Variants in ULK4 observed in about 807,000 individuals in gnomAD.
The protein encoded by ULK4 is unc-51 like kinase 4, also known as inactive serine/threonine-protein kinase ULK4.
A neutral mutation model predicts 160.6 loss-of-function variants in ULK4; 133 were observed. The ratio of observed to expected loss-of-function variants is 0.83; its 90% confidence interval spans 0.72 to 0.96. The LOEUF is 0.96. Among genes scored for constraint, ULK4 ranks in the 40% least tolerant of loss-of-function variants. The pLI is 0.00. For synonymous variants in ULK4, 534 were observed against 539.8 expected, an observed-to-expected ratio of 0.99 and a Z score of 0.15; for missense variants, 1,580 against 1,499.5, an observed-to-expected ratio of 1.05 and a Z score of -0.89.
At chr3:41,569,787 CA>C (rs1218001356) in intron 31 of ULK4, among the ~76,000 whole-genome samples, 2 of 100,520 alleles carry the variant, frequency 2.0e-5, no homozygotes, top group Non-Finnish European at 4.7e-5. Context: ...GACTACCCTA[CA>C]TTTTTTTTTT....
rs776923377 is a variant in ULK4 at position 41,938,133 on chromosome 3, C to T, written c.203G>A (p.Ser68Asn). 2 of 1,613,166 alleles carry T rather than the reference C, an allele frequency of 1.2e-6. No individual in the cohort carries two copies. Among genetic ancestry groups the T allele is most frequent in the East Asian group, 2.2e-5 (1 of 44,854 alleles). Reference protein sequence around the residue: ...IVTFHEWYETSNHLWLVVELC... With the variant: ...IVTFHEWYETNNHLWLVVELC... ...TTCCACCACTAGCCAGAGGTGGTTG[C>T]TTGTTTCATACCATTCATGAAAAGT... Residue 68 changes from serine to asparagine, a missense_variant, in exon 3 of 37, where the codon AGC (serine) becomes AAC (asparagine). Transcript: ENST00000301831.
intron 22 of ULK4, among the ~76,000 whole-genome samples, chr3:41,719,807 A>G (rs988891707): frequency 9.9e-5 from 15 of 152,088 alleles, no homozygotes; most frequent in Middle Eastern, 3.2e-3. Flanking sequence ...AAACCCTTCC[A>G]TGGCATCTCA....
chr3:41,615,827 A>G lies in ULK4; in HGVS notation c.3072-110T>C, dbSNP rs1412675527. The G allele has an allele frequency of 4.2e-6, 4 of 946,540 alleles. No homozygotes were observed. In the Admixed American group the frequency reaches 7.8e-5, roughly 18 times the overall value. The allele number at this position is 946,540 out of a possible 1,614,324, so 58.6% of individuals were successfully genotyped here. A position where few individuals can be genotyped will look rare whatever the true frequency, so the allele number is the denominator to read the frequency against. On this transcript the variant is annotated intron_variant, in intron 30 of 36. Coordinates refer to ENST00000301831, the MANE Select transcript of ULK4 (RefSeq NM_017886.4). ...CATGTTTTATTGCTAAAATTCCATG[A>G]TAAGAAATAGTATGATTAAACATTC... is the stretch of plus-strand genomic sequence containing the variant.
chr3:41,756,954 G>A (rs1442113414), intron 21 of ULK4, among the ~76,000 whole-genome samples: 2 of 152,100 alleles, frequency 1.3e-5, no homozygotes, highest in Non-Finnish European at 2.9e-5. Flanking sequence ...TGGGGAAAAT[G>A]TTCGTAAATA....
At chr3:41,698,705 G>A (rs749845337) in intron 27 of ULK4, among the ~76,000 whole-genome samples, 2 of 152,104 alleles carry the variant, frequency 1.3e-5, no homozygotes, top group South Asian at 2.1e-4. Flanking sequence ...AACTAAAGAT[G>A]TACTTATCCT....
At chr3:41,723,309 C>A (rs1182581854) in intron 22 of ULK4, among the ~76,000 whole-genome samples, 1 of 152,032 alleles carries the variant, frequency 6.6e-6, no homozygotes, top group African/African-American at 2.4e-5. Flanking sequence ...GGTTGTTGAT[C>A]TTTTGTTATT....
chr3:41,542,093 C>T (rs1020369978), intron 32 of ULK4, among the ~76,000 whole-genome samples: 3 of 152,116 alleles, frequency 2.0e-5, no homozygotes, highest in Admixed American at 6.5e-5. Flanking sequence ...TTGTCTTGTG[C>T]TGGTTTTCAA....
intron 18 of ULK4, among the ~76,000 whole-genome samples, chr3:41,831,004 A>AT (rs2041561607): frequency 7.3e-6 from 1 of 136,710 alleles, no homozygotes; most frequent in African/African-American, 3.2e-5. Flanking sequence ...GAATGTTTTT[A>AT]TTATTTTTTT....
At position 41,353,835 on chromosome 3, in the gene ULK4, C is replaced by G. The variant is rs1317905816; in HGVS notation, c.3678+44244G>C. Among the ~76,000 whole-genome samples, 3 of 152,076 alleles carry G rather than the reference C, an allele frequency of 2.0e-5. No homozygotes were observed. In the East Asian group the frequency reaches 5.8e-4, roughly 29 times the overall value. ...ACCTACTATACTAGTTAAAATAATGCTAGATGAAGTAACAGATGCCTCACC... is the reference window on the plus strand; with the variant it reads ...ACCTACTATACTAGTTAAAATAATGGTAGATGAAGTAACAGATGCCTCACC... On this transcript the variant is annotated intron_variant, in intron 35 of 36. Coordinates refer to ENST00000301831, the MANE Select transcript of ULK4 (RefSeq NM_017886.4).
chr3:41,583,608 G>A (rs2030551222), intron 31 of ULK4, among the ~76,000 whole-genome samples: 1 of 152,198 alleles, frequency 6.6e-6, no homozygotes, highest in Non-Finnish European at 1.5e-5. Flanking sequence ...AGGGCAGCCA[G>A]AATCATGCAC....
intron 35 of ULK4, among the ~76,000 whole-genome samples, chr3:41,315,759 G>A (rs1194121206): frequency 6.6e-6 from 1 of 152,144 alleles, no homozygotes; most frequent in Non-Finnish European, 1.5e-5. Flanking sequence ...AGATGTACGA[G>A]TGGCCAATAA....
chr3:41,584,440 T>C lies in ULK4; in HGVS notation c.3121-18310A>G, dbSNP rs1054722419. 7.9e-5 allele frequency among the ~76,000 whole-genome samples: 12 copies of C among 152,224 alleles called. 1 individual carries two copies. The highest frequency in any genetic ancestry group is 7.8e-4 in the East Asian group (4 of 5,158). ...CCAAGTAGCTGGTACCATAGGTGCA[T>C]GCCACTATGCTCAGCTAATTAATTA... On this transcript the variant is annotated intron_variant, in intron 31 of 36. Transcript: ENST00000301831.
At chr3:41,473,861 A>G (rs909514825) in intron 32 of ULK4, among the ~76,000 whole-genome samples, 3 of 152,148 alleles carry the variant, frequency 2.0e-5, no homozygotes, top group African/African-American at 7.2e-5. Context: ...ATAAATGGAA[A>G]GATATCCCAT....
chr3:41,552,418 A>G (rs2125579868), intron 32 of ULK4, among the ~76,000 whole-genome samples: 1 of 152,148 alleles, frequency 6.6e-6, no homozygotes, highest in South Asian at 2.1e-4. Context: ...AGTAGAATGC[A>G]AAAATCACCA....
intron 17 of ULK4, among the ~76,000 whole-genome samples, chr3:41,849,029 C>A (rs1469658636): frequency 6.6e-6 from 1 of 152,154 alleles, no homozygotes; most frequent in African/African-American, 2.4e-5. Flanking sequence ...CCTCAGTAAA[C>A]TGTAAGGCAC....
chr3:41,935,668 A>G, intron 4 of ULK4, 133 bp downstream of exon 4: 1 of 1,157,674 alleles, frequency 8.6e-7, no homozygotes, highest in South Asian at 1.7e-5. Context: ...GCCTCCTTTT[A>G]TTTTAAAAAA....
chr3:41,697,730 G>A (rs2036547583), intron 27 of ULK4, among the ~76,000 whole-genome samples: 1 of 152,042 alleles, frequency 6.6e-6, no homozygotes, highest in African/African-American at 2.4e-5. Context: ...TGGTTCTCCT[G>A]CCTCAGTCTC....
At chr3:41,511,283 C>T (rs889539174) in intron 32 of ULK4, among the ~76,000 whole-genome samples, 2 of 148,998 alleles carry the variant, frequency 1.3e-5, no homozygotes, top group Non-Finnish European at 3.0e-5. Context: ...AAAGAAATAA[C>T]AAAGATCAGA....
intron 31 of ULK4, among the ~76,000 whole-genome samples, chr3:41,588,702 T>C (rs948569429): frequency 2.6e-5 from 4 of 152,228 alleles, no homozygotes; most frequent in Non-Finnish European, 4.4e-5. Flanking sequence ...TAGACACAAA[T>C]AATAATAATT....
Sources: allele counts gnomAD v4.1 joint callset (sites outside exome capture counted in the v4.1 genomes callset), GRCh38; gene constraint gnomAD v4.1.1; transcripts MANE v1.5; gene names NCBI Gene and HGNC (gene_info 2026-07-23, HGNC 2026-07-21).